Variants in ASIC2 observed in about 807,000 individuals in gnomAD.
ASIC2 encodes the protein acid-sensing ion channel 2.
A neutral mutation model predicts 57.3 loss-of-function variants in ASIC2; 25 were observed. That is an observed-to-expected ratio of 0.44 (90% CI 0.32 to 0.61). ASIC2 has a LOEUF of 0.61. Among genes scored for constraint, ASIC2 ranks in the 20% least tolerant of loss-of-function variants. ASIC2 has a pLI of 0.06. For missense variants in ASIC2, 641 were observed against 738.1 expected (o/e 0.87, Z 1.52); for synonymous variants, 319 against 307.5 (o/e 1.04, Z -0.39).
intron 1 of ASIC2, among the ~76,000 whole-genome samples, chr17:33,701,975 G>T (rs927377753): frequency 6.6e-6 from 1 of 152,226 alleles, no homozygotes; most frequent in Non-Finnish European, 1.5e-5. Context: ...AGACATAGAA[G>T]CTGGTGGCGT....
rs182940390 is a variant in ASIC2 at position 33,107,893 on chromosome 17, G to A, written c.859+4024C>T. Among the ~76,000 whole-genome samples the A allele has an allele frequency of 4.8e-3, 737 of 152,314 alleles. 7 individuals are homozygous for A. The highest frequency in any genetic ancestry group is 7.4e-3 in the Non-Finnish European group (506 of 68,030). On this transcript the variant is annotated intron_variant, in intron 2 of 9. Coordinates refer to ENST00000225823, the MANE Select transcript of ASIC2 (RefSeq NM_183377.2). ...AAGGCAAGGCAAAAGTGTTCCAGAG[G>A]CTCTGCTTTGAGCAGAATGGGAGTT...
At chr17:33,320,920 A>G (rs1194741766) in intron 1 of ASIC2, among the ~76,000 whole-genome samples, 1 of 152,190 alleles carries the variant, frequency 6.6e-6, no homozygotes, top group Non-Finnish European at 1.5e-5. Flanking sequence ...AGGCAGTACC[A>G]TTCGTTCTTA....
At chr17:34,126,650 C>T (rs980719157) in intron 1 of ASIC2, among the ~76,000 whole-genome samples, 9 of 152,148 alleles carry the variant, frequency 5.9e-5, no homozygotes, top group Non-Finnish European at 8.8e-5. Flanking sequence ...GCAGTACCAC[C>T]GGCCTGCTGC....
At position 33,550,103 on chromosome 17, in the gene ASIC2, G is replaced by A. The variant is rs1270443636; in HGVS notation, c.556-438036C>T. On this transcript the variant is annotated intron_variant, in intron 1 of 9. Transcript: ENST00000359872. ...TGTAGGTGAGAGCTGAGATAAATCA[G>A]GCCCTCCATGAGGTCCAGTCCAGCT... Among the ~76,000 whole-genome samples the A allele has an allele frequency of 4.1e-5, 6 of 147,536 alleles. No individual in the cohort carries two copies. In the Admixed American group the frequency reaches 4.1e-4, roughly 10 times the overall value.
chr17:33,712,636 C>CTTTTTTTT (rs60673332), intron 1 of ASIC2, among the ~76,000 whole-genome samples: 2 of 63,638 alleles, frequency 3.1e-5, no homozygotes, highest in African/African-American at 1.2e-4. Flanking sequence ...ACTCATATGG[C>CTTTTTTTT]TTTTTTTTTT....
intron 1 of ASIC2, among the ~76,000 whole-genome samples, chr17:33,583,937 T>A (rs1444314269): frequency 2.6e-5 from 4 of 152,086 alleles, no homozygotes; most frequent in Admixed American, 6.5e-5. Context: ...AGACATGTTC[T>A]GGGCTCCTGG....
At position 33,887,590 on chromosome 17, in the gene ASIC2, G is replaced by T. The variant is rs532674108; in HGVS notation, c.555+268388C>A. ...TGGGTATGACTGGTGCTTTGGGTTGGTGTGCGGAGAGGTGAGACCTTTTGT... is the reference window on the plus strand; with the variant it reads ...TGGGTATGACTGGTGCTTTGGGTTGTTGTGCGGAGAGGTGAGACCTTTTGT... On this transcript the variant is annotated intron_variant, in intron 1 of 9. Coordinates refer to the ASIC2 transcript ENST00000359872. Among the ~76,000 whole-genome samples the T allele has an allele frequency of 7.0e-4, 106 of 152,296 alleles. 2 individuals are homozygous for T. In the South Asian group the frequency reaches 0.022, roughly 31 times the overall value.
At chr17:33,730,544 C>T (rs895308072) in intron 1 of ASIC2, among the ~76,000 whole-genome samples, 3 of 152,214 alleles carry the variant, frequency 2.0e-5, no homozygotes, top group African/African-American at 7.2e-5. Context: ...CTAAAATTAA[C>T]ATATTGACTA....
chr17:33,541,067 T>C (rs1257784300), intron 1 of ASIC2, among the ~76,000 whole-genome samples: 1 of 147,860 alleles, frequency 6.8e-6, no homozygotes, highest in African/African-American at 2.7e-5. Context: ...GTTGTTTTTT[T>C]TTCTTAGGGA....
Position 33,148,752 on chromosome 17 carries a change from T to A in ASIC2, c.709-36685A>T, listed in dbSNP as rs1169726258. Among the ~76,000 whole-genome samples the A allele has an allele frequency of 2.0e-5, 3 of 152,194 alleles. No individual in the cohort carries two copies. The East Asian group carries it at 5.8e-4, about 29-fold the overall frequency. ...TATTTTTTAATTATAAAAGTCATAA[T>A]AAAACAGTTGTATCAAAGTAATAAG... On this transcript the variant is annotated intron_variant, in intron 1 of 9. Transcript: ENST00000225823.
At chr17:33,790,935 T>C (rs1328551759) in intron 1 of ASIC2, among the ~76,000 whole-genome samples, 1 of 152,142 alleles carries the variant, frequency 6.6e-6, no homozygotes, top group Admixed American at 6.5e-5. Flanking sequence ...TCCCTTTCTA[T>C]GGGTGAAAAA....
chr17:33,777,812 AGACAAT>A (rs1216517007), intron 1 of ASIC2, among the ~76,000 whole-genome samples: 1 of 152,220 alleles, frequency 6.6e-6, no homozygotes, highest in Non-Finnish European at 1.5e-5. Flanking sequence ...TATCGTAACA[AGACAAT>A]GGGGTGGCAC....
intron 1 of ASIC2, among the ~76,000 whole-genome samples, chr17:33,617,490 G>T (rs1597808877): frequency 6.6e-6 from 1 of 150,780 alleles, no homozygotes; most frequent in Non-Finnish European, 1.5e-5. Context: ...AAACACCAGG[G>T]ACTACTGGAG....
intron 1 of ASIC2, among the ~76,000 whole-genome samples, chr17:33,703,478 G>A (rs924977252): frequency 5.3e-5 from 8 of 151,798 alleles, no homozygotes; most frequent in African/African-American, 1.7e-4. Flanking sequence ...TCAGCTTTCC[G>A]AATAGCTGGG....
intron 1 of ASIC2, among the ~76,000 whole-genome samples, chr17:33,186,043 T>C (rs1269757261): frequency 1.3e-5 from 2 of 152,212 alleles, no homozygotes; most frequent in African/African-American, 4.8e-5. Context: ...AATTGCGGTT[T>C]TTGCATTGTT....
At chr17:33,890,837 A>G (rs1914943378) in intron 1 of ASIC2, among the ~76,000 whole-genome samples, 1 of 152,152 alleles carries the variant, frequency 6.6e-6, no homozygotes, top group African/African-American at 2.4e-5. Context: ...AGGGGCCATT[A>G]TGAAAAACAA....
At chr17:33,790,106 T>C (rs1911726438) in intron 1 of ASIC2, among the ~76,000 whole-genome samples, 1 of 152,238 alleles carries the variant, frequency 6.6e-6, no homozygotes, top group South Asian at 2.1e-4. Context: ...CAGCAACGTA[T>C]AATACTAATG....
intron 1 of ASIC2, among the ~76,000 whole-genome samples, chr17:33,588,545 A>G (rs1443862890): frequency 6.6e-6 from 1 of 152,212 alleles, no homozygotes; most frequent in Admixed American, 6.5e-5. Context: ...TCCATGTGCT[A>G]GGAGTTTTCC....
intron 1 of ASIC2, among the ~76,000 whole-genome samples, chr17:33,145,934 G>A (rs1312969012): frequency 1.3e-5 from 2 of 152,304 alleles, no homozygotes; most frequent in South Asian, 2.1e-4. Context: ...TCACCCTCCC[G>A]CCACAGCCGA....
Sources: allele counts gnomAD v4.1 joint callset (sites outside exome capture counted in the v4.1 genomes callset), GRCh38; gene constraint gnomAD v4.1.1; transcripts MANE v1.5; gene names NCBI Gene and HGNC (gene_info 2026-07-23, HGNC 2026-07-21).